LRFN5: variants seen among roughly 807,000 people sequenced by gnomAD.
The protein encoded by LRFN5 is leucine-rich repeat and fibronectin type-III domain-containing protein 5.
In LRFN5, 24 loss-of-function variants were observed where a neutral mutation model predicts 45.6. The ratio of observed to expected loss-of-function variants is 0.53; its 90% confidence interval spans 0.38 to 0.74. The LOEUF is 0.74. Among genes scored for constraint, LRFN5 ranks in the 30% least tolerant of loss-of-function variants. The probability of loss-of-function intolerance (pLI) is 0.00; values close to 1 mark genes in which losing one functional copy is unlikely to be tolerated. For missense variants in LRFN5, 776 were observed against 861.5 expected (o/e 0.90, Z 1.24); for synonymous variants, 340 against 313.8 (o/e 1.08, Z -0.88).
chr14:41,858,567 G>A (rs1376175816), intron 2 of LRFN5, among the ~76,000 whole-genome samples: 4 of 151,866 alleles, frequency 2.6e-5, no homozygotes, highest in Non-Finnish European at 4.4e-5. Flanking sequence ...GCATGGGACT[G>A]GACAATGCTA....
intron 2 of LRFN5, among the ~76,000 whole-genome samples, chr14:41,868,985 A>G (rs562862162): frequency 6.6e-6 from 1 of 152,284 alleles, no homozygotes; most frequent in South Asian, 2.1e-4. Flanking sequence ...GCATTTAGTT[A>G]TGATTCCATC....
chr14:41,753,601 T>C (rs1487889913), intron 1 of LRFN5, among the ~76,000 whole-genome samples: 3 of 152,184 alleles, frequency 2.0e-5, no homozygotes, highest in African/African-American at 7.2e-5. Flanking sequence ...GCTTGTGATT[T>C]TTGCACATTG....
intron 2 of LRFN5, among the ~76,000 whole-genome samples, chr14:41,816,975 G>A (rs920015331): frequency 1.3e-4 from 18 of 138,916 alleles, no homozygotes; most frequent in African/African-American, 3.9e-4. Context: ...TATTATTTTT[G>A]TCTAAGCTTT....
intron 1 of LRFN5, among the ~76,000 whole-genome samples, chr14:41,714,518 T>A (rs1035735650): frequency 6.6e-6 from 1 of 152,186 alleles, no homozygotes; most frequent in Non-Finnish European, 1.5e-5. Context: ...GGTAAGGTTT[T>A]ATTTACTATA....
chr14:41,750,267 T>TTA (rs60275061), intron 1 of LRFN5, among the ~76,000 whole-genome samples: 8,324 of 143,926 alleles, frequency 0.058, 292 homozygotes, highest in Middle Eastern at 0.12. Context: ...GTAACTTTTC[T>TTA]TATATATATA....
At chr14:41,750,682 A>G (rs1266869639) in intron 1 of LRFN5, among the ~76,000 whole-genome samples, 2 of 152,140 alleles carry the variant, frequency 1.3e-5, no homozygotes, top group African/African-American at 4.8e-5. Flanking sequence ...GGTAATTTAT[A>G]AACAAAGGAA....
intron 1 of LRFN5, among the ~76,000 whole-genome samples, chr14:41,655,326 A>T (rs1441346893): frequency 6.6e-6 from 1 of 152,044 alleles, no homozygotes; most frequent in Non-Finnish European, 1.5e-5. Flanking sequence ...CTCACTAATA[A>T]TATTTGAACA....
At chr14:41,805,160 T>A (rs1208884210) in intron 2 of LRFN5, among the ~76,000 whole-genome samples, 1 of 152,006 alleles carries the variant, frequency 6.6e-6, no homozygotes, top group Non-Finnish European at 1.5e-5. Context: ...ATTATGTGGC[T>A]TCTTTGCTTT....
chr14:41,621,758 A>C lies in LRFN5; in HGVS notation c.-197+13196A>C, dbSNP rs567104401. ...GACAACCAATCGCAGGATTATTTTC[A>C]GGCATAGCTTGGCTCAGTATTTAAA... On this transcript the variant is annotated intron_variant, in intron 1 of 5. Transcript: ENST00000298119. Among the ~76,000 whole-genome samples the C allele has an allele frequency of 7.2e-5, 11 of 152,246 alleles. No homozygotes were observed. The South Asian group carries it at 1.9e-3, about 26-fold the overall frequency.
rs1385359854 is a variant in LRFN5, at chr14:41,887,286, G to A, written c.661G>A (p.Val221Ile). Residue 221 changes from valine to isoleucine, a missense_variant, in exon 3 of 6, where the codon GTA becomes ATA. Val to Ile is a conservative substitution (Grantham distance 29, BLOSUM62 3). Transcript: ENST00000298119. This position sits in a 1 kb window ranked among gnomAD's most constrained non-coding sequence, Gnocchi z 4.8. ...TGACCCTCTCTTTCAGCGAGCTCAGGTACTAGCAACCTCAGGAATCATAAG... is the reference window on the plus strand; with the variant it reads ...TGACCCTCTCTTTCAGCGAGCTCAGATACTAGCAACCTCAGGAATCATAAG... ...PPDPLFQRAQ[V>I]LATSGIISPS... 1.9e-6 allele frequency: 3 copies of A among 1,614,050 alleles called. No homozygotes were observed. The highest frequency in any genetic ancestry group is 4.5e-5 in the East Asian group (2 of 44,884).
At chr14:41,839,157 T>G (rs752081480) in intron 2 of LRFN5, among the ~76,000 whole-genome samples, 1 of 152,132 alleles carries the variant, frequency 6.6e-6, no homozygotes, top group African/African-American at 2.4e-5. Flanking sequence ...ATTTTTATAA[T>G]TTCTACGATT....
intron 1 of LRFN5, among the ~76,000 whole-genome samples, chr14:41,765,580 A>G (rs1445890425): frequency 6.6e-6 from 1 of 152,216 alleles, no homozygotes; most frequent in African/African-American, 2.4e-5. Flanking sequence ...AGTTAGCTTA[A>G]AATATATTCA....
At chr14:41,852,103 T>C (rs997362905) in intron 2 of LRFN5, among the ~76,000 whole-genome samples, 1 of 151,906 alleles carries the variant, frequency 6.6e-6, no homozygotes, top group East Asian at 1.9e-4. Context: ...AAATTGCTTA[T>C]TTACTATAAA....
At chr14:41,733,766 C>G (rs772998889) in intron 1 of LRFN5, 11 of 151,700 alleles carry the variant, frequency 7.3e-5, no homozygotes, top group African/African-American at 1.2e-4. Flanking sequence ...CATTGTAACT[C>G]TGGTTGGTAA....
chr14:41,624,006 T>G (rs1318173847), intron 1 of LRFN5, among the ~76,000 whole-genome samples: 1 of 152,100 alleles, frequency 6.6e-6, no homozygotes, highest in Non-Finnish European at 1.5e-5. Flanking sequence ...ATGTAACTAG[T>G]TTAATAAATT....
chr14:41,619,089 T>C (rs1783056873), intron 1 of LRFN5, among the ~76,000 whole-genome samples: 1 of 152,156 alleles, frequency 6.6e-6, no homozygotes, highest in Non-Finnish European at 1.5e-5. Flanking sequence ...TGGCTTTTTT[T>C]TCCTCCAAGT....
At position 41,887,855 on chromosome 14, in the gene LRFN5, T is replaced by C. The variant is rs757091491; in HGVS notation, c.1230T>C (p.Ser410=). ...STKSGSNTSS[S]NGDTKLSQDK... is the part of the protein sequence containing the mutation. ...AGTCAGGTTCTAATACAAGCAGTAG[T>C]AATGGTGATACTAAATTGAGTCAAG... The change falls in exon 3 of 6, where the codon AGT becomes AGC. Residue 410 remains serine, a synonymous_variant. Transcript: ENST00000298119. This position sits in a 1 kb window ranked among gnomAD's most constrained non-coding sequence, Gnocchi z 4.8. The C allele has an allele frequency of 1.2e-6, 2 of 1,614,088 alleles. No individual in the cohort carries two copies. The highest frequency in any genetic ancestry group is 8.5e-7 in the Non-Finnish European group (1 of 1,180,012).
chr14:41,773,055 G>A (rs754415595), intron 2 of LRFN5, among the ~76,000 whole-genome samples: 1 of 152,110 alleles, frequency 6.6e-6, no homozygotes, highest in Non-Finnish European at 1.5e-5. Context: ...TTGAGATGTC[G>A]TGACCTCAGT....
intron 2 of LRFN5, among the ~76,000 whole-genome samples, chr14:41,768,643 T>C (rs575713831): frequency 2.6e-5 from 4 of 152,092 alleles, no homozygotes; most frequent in Non-Finnish European, 5.9e-5. Context: ...AATGTAAAAA[T>C]AGTGTGTTTC....
Sources: gnomAD v4.1 joint callset for allele counts (sites outside exome capture counted in the v4.1 genomes callset) on GRCh38, gnomAD v4.1.1 for gene constraint, Gnocchi (gnomAD v3.1) non-coding constraint, MANE v1.5 for transcripts, NCBI Gene and HGNC (gene_info 2026-07-23, HGNC 2026-07-21) for gene names.